DNAH6: variants seen among roughly 807,000 people sequenced by gnomAD.
DNAH6 encodes the protein dynein axonemal heavy chain 6.
Under a neutral mutation model 491.4 loss-of-function variants are expected in DNAH6, and 340 were observed. The observed-to-expected ratio is 0.69, with a 90% CI of 0.63 to 0.76. The LOEUF (loss-of-function observed/expected upper bound fraction) is 0.76, where lower values mean the gene tolerates loss of function less well. Ranked by LOEUF, DNAH6 falls within the 30% of genes least tolerant of loss-of-function variation. The probability of loss-of-function intolerance (pLI) is 0.00; values close to 1 mark genes in which losing one functional copy is unlikely to be tolerated. For missense variants in DNAH6, 4,443 were observed against 4,972.2 expected (o/e 0.89, Z 3.20); for synonymous variants, 1,603 against 1,686.1 (o/e 0.95, Z 1.21).
At chr2:84,593,937 C>G in intron 16 of DNAH6, 35 bp from the exon 17 acceptor site, 1 of 1,297,146 alleles carries the variant, frequency 7.7e-7, no homozygotes, top group Non-Finnish European at 1.1e-6. Context: ...TATCTGAAAA[C>G]TAAATTACGC....
the DNAH6 span, among the ~76,000 whole-genome samples, chr2:84,470,245 A>C: frequency 6.6e-6 from 1 of 152,216 alleles, no homozygotes; most frequent in Admixed American, 6.5e-5. Flanking sequence ...TGCCAGAAAT[A>C]TGTTACAGGA....
rs1399139314 is a variant in DNAH6 at position 84,707,673 on chromosome 2, G to A, written c.9005G>A (p.Cys3002Tyr). 5.8e-6 allele frequency: 9 copies of A among 1,552,222 alleles called. No homozygotes were observed. The African/African-American group carries it at 6.8e-5, about 12-fold the overall frequency. Residue 3002 changes from cysteine (C) to tyrosine (Y), a missense_variant, in exon 54 of 77, where the codon TGT (cysteine) becomes TAT (tyrosine). By Grantham distance (194) the Cys-to-Tyr change is radical. This residue lies in a region of DNAH6 where 1,463 missense variants were observed against 1,656.6 expected (regional missense o/e 0.88). Transcript: ENST00000389394. ...ITGNVFIAAA[C>Y]VAYYGAFTAQ... ...GGGAACGTGTTCATAGCAGCAGCTT[G>A]TGTGGCCTACTATGGGGCTTTCACA...
chr2:84,607,217 C>T (rs1399617874), intron 21 of DNAH6, 122 bp downstream of exon 21: 11 of 1,002,614 alleles, frequency 1.1e-5, no homozygotes, highest in Non-Finnish European at 1.6e-5. Context: ...TAATTGTGGA[C>T]ATGTTATTGT....
At chr2:84,749,523 G>A (rs1034942928) in intron 63 of DNAH6, among the ~76,000 whole-genome samples, 4 of 152,194 alleles carry the variant, frequency 2.6e-5, no homozygotes, top group Non-Finnish European at 5.9e-5. Context: ...GAAAGAGATA[G>A]GATGTGCACT....
intron 49 of DNAH6, among the ~76,000 whole-genome samples, chr2:84,702,541 G>C (rs779607339): frequency 6.9e-6 from 1 of 145,314 alleles, no homozygotes; most frequent in Non-Finnish European, 1.5e-5. Context: ...ATTTGAACCA[G>C]CTTTTTTTTT....
intron 11 of DNAH6, among the ~76,000 whole-genome samples, chr2:84,569,647 A>G (rs1292527386): frequency 6.6e-6 from 1 of 152,246 alleles, no homozygotes; most frequent in African/African-American, 2.4e-5. Context: ...CCTGTGGATG[A>G]AAAACCACCA....
At chr2:84,611,176 T>A (rs1686289089) in intron 21 of DNAH6, among the ~76,000 whole-genome samples, 2 of 115,856 alleles carry the variant, frequency 1.7e-5, no homozygotes, top group African/African-American at 9.5e-5. Context: ...ATGCATGATT[T>A]TCTTCTTCCA....
At chr2:84,781,988 T>G (rs1309816213) in intron 65 of DNAH6, among the ~76,000 whole-genome samples, 1 of 152,180 alleles carries the variant, frequency 6.6e-6, no homozygotes, top group Non-Finnish European at 1.5e-5. Flanking sequence ...TCCTTCCCTA[T>G]AAAATGAGAA....
intron 33 of DNAH6, among the ~76,000 whole-genome samples, chr2:84,650,673 AC>A (rs1690373398): frequency 6.6e-6 from 1 of 151,996 alleles, no homozygotes; most frequent in African/African-American, 2.4e-5. Context: ...GACTGTTTGA[AC>A]CCAGGAGTTC....
At chr2:84,472,289 T>C in the DNAH6 span, among the ~76,000 whole-genome samples, 5 of 151,896 alleles carry the variant, frequency 3.3e-5, no homozygotes, top group African/African-American at 1.2e-4. Context: ...GGATTACCCA[T>C]AGTATGGGCA....
intron 42 of DNAH6, 149 bp from the exon 43 acceptor site, chr2:84,685,177 A>G (rs965492372): frequency 2.8e-5 from 13 of 457,628 alleles, no homozygotes; most frequent in Non-Finnish European, 4.9e-5. Flanking sequence ...TGAGGTCACT[A>G]TTAGTATATG....
At chr2:84,726,877 A>C (rs2104953816) in intron 60 of DNAH6, among the ~76,000 whole-genome samples, 1 of 152,298 alleles carries the variant, frequency 6.6e-6, no homozygotes. Flanking sequence ...TAATCCCTCA[A>C]TGCCACCATC....
intron 24 of DNAH6, among the ~76,000 whole-genome samples, chr2:84,620,825 T>C (rs137919718): frequency 6.0e-4 from 91 of 152,184 alleles, no homozygotes; most frequent in African/African-American, 2.0e-3. Flanking sequence ...TCCAAAAAAA[T>C]AGATACAAGA....
rs539590659 is a variant in DNAH6 at position 84,747,904 on chromosome 2, C to T, written c.10512+2655C>T. ...GCCACCAAGGCTTATGGATTTTGCC[C>T]TCCAGAATAGCAGCCCAAGCTGTAC... is the stretch of plus-strand genomic sequence containing the variant. On this transcript the variant is annotated intron_variant, in intron 63 of 76. Coordinates refer to ENST00000389394, the MANE Select transcript of DNAH6 (RefSeq NM_001370.2). Among the ~76,000 whole-genome samples the T allele has an allele frequency of 2.6e-5, 4 of 152,334 alleles. No individual in the cohort carries two copies. In the East Asian group the frequency reaches 7.7e-4, roughly 29 times the overall value.
intron 62 of DNAH6, among the ~76,000 whole-genome samples, chr2:84,734,170 C>T (rs374549225): frequency 1.4e-4 from 18 of 130,074 alleles, no homozygotes; most frequent in African/African-American, 4.8e-4. Context: ...TTTTTTGAGA[C>T]GGAGTCTTGT....
rs1174136975 is a variant in DNAH6 at position 84,781,446 on chromosome 2, CT to C, written c.10704-44del. 9.5e-6 allele frequency: 14 copies of C among 1,474,612 alleles called. No homozygotes were observed. The African/African-American group carries it at 2.0e-4, about 21-fold the overall frequency. The allele number at this position is 1,474,612 out of a possible 1,614,324, so 91.3% of individuals were successfully genotyped here. A position where few individuals can be genotyped will look rare whatever the true frequency, so the allele number is the denominator to read the frequency against. On this transcript the variant is annotated intron_variant, in intron 64 of 76. Coordinates refer to ENST00000389394, the MANE Select transcript of DNAH6 (RefSeq NM_001370.2). ...TTTATATTTCTTCATATTGATTTTG[CT>C]TTAAAATAGCATAAGATGATATTGT...
chr2:84,787,109 C>T, intron 67 of DNAH6, 55 bp from the exon 68 acceptor site: 1 of 1,356,402 alleles, frequency 7.4e-7, no homozygotes, highest in South Asian at 1.5e-5. Context: ...CAGTATTTTA[C>T]ACAAAATTAA....
chr2:84,644,611 G>T (rs557990369), intron 33 of DNAH6, among the ~76,000 whole-genome samples: 1 of 152,028 alleles, frequency 6.6e-6, no homozygotes, highest in African/African-American at 2.4e-5. Flanking sequence ...CCCTCCAACA[G>T]CTCTGGTGTG....
intron 40 of DNAH6, 150 bp downstream of exon 40, chr2:84,672,634 CG>C (rs1392054194): frequency 1.4e-6 from 1 of 731,784 alleles, no homozygotes. Flanking sequence ...GAAGACTAGA[CG>C]TCTAAGAACA....
Sources: allele counts gnomAD v4.1 joint callset (sites outside exome capture counted in the v4.1 genomes callset), GRCh38; gene constraint gnomAD v4.1.1; regional missense constraint gnomAD v4.1.1; transcripts MANE v1.5; gene names NCBI Gene and HGNC (gene_info 2026-07-23, HGNC 2026-07-21).